The following GALNT18 variants were observed in gnomAD, a reference collection of about 807,000 sequenced individuals.
GALNT18 encodes polypeptide N-acetylgalactosaminyltransferase 18.
In GALNT18, 44 loss-of-function variants were observed where a neutral mutation model predicts 69.5. The ratio of observed to expected loss-of-function variants is 0.63; its 90% CI spans 0.50 to 0.81. GALNT18 has a LOEUF of 0.81. Ranked by LOEUF, GALNT18 falls within the 40% of genes least tolerant of loss-of-function variation. The probability of loss-of-function intolerance (pLI) is 0.00; values close to 1 mark genes in which losing one functional copy is unlikely to be tolerated. For missense variants in GALNT18, 715 were observed against 810.0 expected, an observed-to-expected ratio of 0.88 and a Z score of 1.42; for synonymous variants, 364 against 318.2, an observed-to-expected ratio of 1.14 and a Z score of -1.53.
rs570621689 is a variant in GALNT18, at chr11:11,444,213, C to T, written c.428+4531G>A. Among the ~76,000 whole-genome samples, 32 of 150,390 alleles carry T rather than the reference C, an allele frequency of 2.1e-4. No homozygotes were observed. In the South Asian group the frequency reaches 3.7e-3, roughly 17 times the overall value. On this transcript the variant is annotated intron_variant, in intron 2 of 10. Coordinates refer to ENST00000227756, the MANE Select transcript of GALNT18 (RefSeq NM_198516.3). The surrounding 1 kb of genome is among the most constrained non-coding windows in gnomAD (Gnocchi z 4.4). Reference sequence around the variant, plus strand: ...CTTGCAGATGCCACCCTCCAGGCCCCGCCTCCCTGCCACAGAGAGGTGCCT... The same window carrying T: ...CTTGCAGATGCCACCCTCCAGGCCCTGCCTCCCTGCCACAGAGAGGTGCCT...
intron 6 of GALNT18, among the ~76,000 whole-genome samples, chr11:11,351,530 G>T (rs1340297787): frequency 6.6e-6 from 1 of 152,172 alleles, no homozygotes; most frequent in Non-Finnish European, 1.5e-5. Context: ...GGCTGGGAAG[G>T]TAAGCTAGTT....
rs1485671776 is a variant in GALNT18, at chr11:11,615,362, AT to A, written c.235+5996del. Among the ~76,000 whole-genome samples, 5 of 152,366 alleles carry A rather than the reference AT, an allele frequency of 3.3e-5. No individual in the cohort carries two copies. In the East Asian group the frequency reaches 9.6e-4, roughly 29 times the overall value. ...CCTGGTATACATTAATATGCACATA[AT>A]ATGACTAACAAACTTTCAGGAAACA... On this transcript the variant is annotated intron_variant, in intron 1 of 10. Coordinates refer to ENST00000227756, the MANE Select transcript of GALNT18 (RefSeq NM_198516.3).
chr11:11,351,484 A>C (rs989764640), intron 6 of GALNT18, among the ~76,000 whole-genome samples: 5 of 152,212 alleles, frequency 3.3e-5, no homozygotes, highest in Non-Finnish European at 5.9e-5. Context: ...CACAAAATCT[A>C]GAAGGATCTG....
At chr11:11,291,608 G>T (rs1203551670) in intron 10 of GALNT18, among the ~76,000 whole-genome samples, 1 of 149,938 alleles carries the variant, frequency 6.7e-6, no homozygotes, top group Non-Finnish European at 1.5e-5. Flanking sequence ...CCCTTTCATT[G>T]AACCCCCGAC....
Position 11,377,100 on chromosome 11 carries a change from T to C in GALNT18, c.977+82A>G. The stretch of plus-strand genomic sequence containing the variant: ...GTCATCCCCACGATGGGGCTCAAGT[T>C]GGAGAATAAGCATTGGACCAGTAGG... On this transcript the variant is annotated intron_variant, in intron 5 of 10. Coordinates refer to ENST00000227756, the MANE Select transcript of GALNT18 (RefSeq NM_198516.3). This position sits in a 1 kb window ranked among gnomAD's most constrained non-coding sequence, Gnocchi z 4.6. 1 of 1,347,060 alleles carries C rather than the reference T, an allele frequency of 7.4e-7. No homozygotes were observed. 83.4% of individuals were successfully genotyped at this position (1,347,060 alleles called of 1,614,324 possible).
chr11:11,278,510 TA>T lies in GALNT18; in HGVS notation c.1678-7221del, dbSNP rs545686221. Among the ~76,000 whole-genome samples the T allele has an allele frequency of 7.3e-4, 106 of 144,376 alleles. 1 individual carries two copies. The highest frequency in any genetic ancestry group is 9.4e-4 in the African/African-American group (37 of 39,282). 94.7% of individuals were successfully genotyped at this position (144,376 alleles called of 152,430 possible). A position where few individuals can be genotyped will look rare whatever the true frequency, so the allele number is the denominator to read the frequency against. On this transcript the variant is annotated intron_variant, in intron 10 of 10. Transcript: ENST00000227756. Reference sequence around the variant, plus strand: ...CACATGTACCCCAGAACTTATAGTATAAAAAAAAAAGGGAGATTGTTATTTG... The same window carrying T: ...CACATGTACCCCAGAACTTATAGTATAAAAAAAAAGGGAGATTGTTATTTG...
intron 3 of GALNT18, among the ~76,000 whole-genome samples, chr11:11,384,090 C>A (rs1260607469): frequency 1.3e-5 from 2 of 152,016 alleles, no homozygotes; most frequent in African/African-American, 4.8e-5. Context: ...CATACCTCAA[C>A]AAGGTACTAA....
intron 6 of GALNT18, among the ~76,000 whole-genome samples, chr11:11,371,893 C>T (rs1453271952): frequency 1.3e-5 from 2 of 152,146 alleles, no homozygotes; most frequent in Non-Finnish European, 2.9e-5. Context: ...AACATAGAGC[C>T]TCTTGGGGAT....
chr11:11,292,550 G>A (rs1333673891), intron 10 of GALNT18, among the ~76,000 whole-genome samples: 2 of 152,198 alleles, frequency 1.3e-5, no homozygotes, highest in East Asian at 3.9e-4. Context: ...GGAAGGCAGA[G>A]GGGGTTGCAG....
At chr11:11,301,403 T>C (rs913792034) in intron 9 of GALNT18, among the ~76,000 whole-genome samples, 3 of 152,168 alleles carry the variant, frequency 2.0e-5, no homozygotes, top group Non-Finnish European at 4.4e-5. Flanking sequence ...ATTAACCCCT[T>C]GACACAGAAG....
rs938854768 is a variant in GALNT18, at chr11:11,511,022, G to A, written c.236-62086C>T. Among the ~76,000 whole-genome samples the A allele has an allele frequency of 6.6e-6, 1 of 152,026 alleles. No individual in the cohort carries two copies. Among genetic ancestry groups the A allele is most frequent in the Non-Finnish European group, 1.5e-5 (1 of 68,022 alleles). On this transcript the variant is annotated intron_variant, in intron 1 of 10. Coordinates refer to ENST00000227756, the MANE Select transcript of GALNT18 (RefSeq NM_198516.3). This position sits in a 1 kb window ranked among gnomAD's most constrained non-coding sequence, Gnocchi z 4.9. ...CGGCACTCTTTCCTCTCGGCGGGGC[G>A]TGCAGCTGGTACCGCCTTCCACTTG...
At chr11:11,539,532 A>T (rs138696823) in intron 1 of GALNT18, among the ~76,000 whole-genome samples, 1 of 152,304 alleles carries the variant, frequency 6.6e-6, no homozygotes, top group Non-Finnish European at 1.5e-5. Context: ...CAAACCCAGG[A>T]GGAGATTCAC....
intron 1 of GALNT18, among the ~76,000 whole-genome samples, chr11:11,560,048 G>T (rs1858440850): frequency 6.9e-6 from 1 of 145,830 alleles, no homozygotes; most frequent in African/African-American, 2.5e-5. Context: ...GATGGGATGG[G>T]ATGGGATAGG....
In GALNT18 at chr11:11,617,636, T is replaced by G. The variant is rs985582977; in HGVS notation, c.235+3723A>C. Among the ~76,000 whole-genome samples, 1 of 152,256 alleles carries G rather than the reference T, an allele frequency of 6.6e-6. No individual in the cohort carries two copies. ...CTGATTTTTAGGGTAGAATGAATTA[T>G]GGGCAATTTTATGCATTTTTAAATA... On this transcript the variant is annotated intron_variant, in intron 1 of 10. Coordinates refer to ENST00000227756, the MANE Select transcript of GALNT18 (RefSeq NM_198516.3). This position sits in a 1 kb window ranked among gnomAD's most constrained non-coding sequence, Gnocchi z 4.7.
At chr11:11,508,546 T>G (rs1024954032) in intron 1 of GALNT18, among the ~76,000 whole-genome samples, 2 of 152,246 alleles carry the variant, frequency 1.3e-5, no homozygotes, top group African/African-American at 4.8e-5. Flanking sequence ...TGGGTGTTAC[T>G]CCAAGGCCAT....
In GALNT18 at chr11:11,500,656, G is replaced by T. The variant is rs1363312073; in HGVS notation, c.236-51720C>A. The stretch of plus-strand genomic sequence containing the variant: ...AAAATGGTGACAGTGCCGAGCTAGA[G>T]AAGCCCTTCCCATGCACAGCACAGA... On this transcript the variant is annotated intron_variant, in intron 1 of 10. Transcript: ENST00000227756. This position sits in a 1 kb window ranked among gnomAD's most constrained non-coding sequence, Gnocchi z 5.0. Among the ~76,000 whole-genome samples the T allele has an allele frequency of 6.6e-6, 1 of 152,180 alleles. No homozygotes were observed. The highest frequency in any genetic ancestry group is 6.5e-5 in the Admixed American group (1 of 15,286).
At chr11:11,306,128 C>A (rs1040746915) in intron 9 of GALNT18, among the ~76,000 whole-genome samples, 1 of 152,120 alleles carries the variant, frequency 6.6e-6, no homozygotes, top group African/African-American at 2.4e-5. Context: ...AGGCTCAATA[C>A]CTTTTTAGCA....
intron 1 of GALNT18, among the ~76,000 whole-genome samples, chr11:11,518,072 TAAA>T (rs1320712596): frequency 6.6e-6 from 1 of 152,144 alleles, no homozygotes; most frequent in African/African-American, 2.4e-5. Flanking sequence ...GGCAGAGCCC[TAAA>T]GATACCAGCA....
rs1466684104 is a variant in GALNT18 at position 11,600,024 on chromosome 11, A to G, written c.235+21335T>C. On this transcript the variant is annotated intron_variant, in intron 1 of 10. Transcript: ENST00000227756. The surrounding 1 kb of genome is among the most constrained non-coding windows in gnomAD (Gnocchi z 4.8). ...TTAACTTAATTCTAGTGAAATATAG[A>G]AAATTTAGTCCTATATAATTCTATT... Among the ~76,000 whole-genome samples, 1 of 152,054 alleles carries G rather than the reference A, an allele frequency of 6.6e-6. No individual in the cohort carries two copies. The highest frequency in any genetic ancestry group is 2.4e-5 in the African/African-American group (1 of 41,440).
Sources: allele counts gnomAD v4.1 joint callset (sites outside exome capture counted in the v4.1 genomes callset), GRCh38; gene constraint gnomAD v4.1.1; non-coding constraint Gnocchi (gnomAD v3.1); transcripts MANE v1.5; gene names NCBI Gene and HGNC (gene_info 2026-07-23, HGNC 2026-07-21).